KLHL4: variants seen among roughly 807,000 people sequenced by gnomAD.
KLHL4 encodes the protein kelch-like protein 4.
KLHL4 carries 17 observed loss-of-function variants against 45.8 expected under a neutral mutation model. That is an observed-to-expected ratio of 0.37 (90% confidence interval 0.25 to 0.56). The LOEUF (loss-of-function observed/expected upper bound fraction) is 0.56, where lower values mean the gene tolerates loss of function less well. Among genes scored for constraint, KLHL4 ranks in the 20% least tolerant of loss-of-function variants. The pLI is 0.79. For missense variants in KLHL4, 544 were observed against 544.9 expected, an observed-to-expected ratio of 1.00 and a Z score of 0.02; for synonymous variants, 224 against 189.9, an observed-to-expected ratio of 1.18 and a Z score of -1.47.
At position 87,666,636 on chromosome X, in the gene KLHL4, A is replaced by G. The variant is rs2147845942; in HGVS notation, c.*102A>G. On this transcript the variant is annotated 3_prime_UTR_variant, in exon 11 of 11. Transcript: ENST00000373119. ...CATGTTCTTTTTCCTGCAATTAATA[A>G]TCAGACTGGAAAATTGTTGTATCAT... The G allele has an allele frequency of 1.0e-6, 1 of 1,002,810 alleles. No individual in the cohort carries two copies. Among genetic ancestry groups the G allele is most frequent in the Non-Finnish European group, 1.3e-6 (1 of 784,839 alleles). 82.6% of individuals were successfully genotyped at this position (1,002,810 alleles called of 1,213,427 possible). A position where few individuals can be genotyped will look rare whatever the true frequency, so the allele number is the denominator to read the frequency against.
At chrX:87,588,484 C>G (rs900798878) in intron 1 of KLHL4, among the ~76,000 whole-genome samples, 2 of 110,851 alleles carry the variant, frequency 1.8e-5, no homozygotes, top group African/African-American at 3.3e-5. Context: ...AATGAGGTAA[C>G]AAGTCCACAC....
At chrX:87,588,462 A>C (rs1459853756) in intron 1 of KLHL4, among the ~76,000 whole-genome samples, 1 of 111,355 alleles carries the variant, frequency 9.0e-6, no homozygotes, top group South Asian at 3.8e-4. Context: ...AGACCAATGA[A>C]ATGGAATAGA....
At position 87,542,095 on chromosome X, in the gene KLHL4, A is replaced by C. The variant is rs779515378; in HGVS notation, c.422+23780A>C. On this transcript the variant is annotated intron_variant, in intron 1 of 10. Coordinates refer to ENST00000373119, the MANE Select transcript of KLHL4 (RefSeq NM_019117.5). Reference sequence around the variant, plus strand: ...GGGTATCTGGCAGAAGAATTTTCTAAGTAGCAAAGCATTCAAGAGGTGATC... The same window carrying C: ...GGGTATCTGGCAGAAGAATTTTCTACGTAGCAAAGCATTCAAGAGGTGATC... Among the ~76,000 whole-genome samples the C allele has an allele frequency of 2.7e-5, 3 of 112,142 alleles. No individual in the cohort carries two copies. The Admixed American group carries it at 2.8e-4, about 11-fold the overall frequency.
At chrX:87,604,424 C>CT (rs35980706) in intron 1 of KLHL4, among the ~76,000 whole-genome samples, 1 of 111,056 alleles carries the variant, frequency 9.0e-6, no homozygotes, top group East Asian at 2.8e-4. Flanking sequence ...CAAGACTTTT[C>CT]TTTTTTTCTT....
intron 9 of KLHL4, among the ~76,000 whole-genome samples, chrX:87,657,372 G>A (rs1443297538): frequency 8.9e-6 from 1 of 112,155 alleles, no homozygotes; most frequent in Non-Finnish European, 1.9e-5. Context: ...CCCAGTGGTG[G>A]ACACAAGCAC....
intron 9 of KLHL4, among the ~76,000 whole-genome samples, chrX:87,655,622 C>CA (rs1923964212): frequency 9.1e-6 from 1 of 110,479 alleles, no homozygotes; most frequent in Non-Finnish European, 1.9e-5. Context: ...ATGGTCGGAT[C>CA]CTTTTTTTTA....
chrX:87,620,292 G>A (rs1922708474), intron 4 of KLHL4, among the ~76,000 whole-genome samples: 1 of 111,577 alleles, frequency 9.0e-6, no homozygotes, highest in South Asian at 3.7e-4. Context: ...GAAATTAGGA[G>A]CAAAATAATT....
chrX:87,571,228 A>T (rs1300225251), intron 1 of KLHL4, among the ~76,000 whole-genome samples: 1 of 110,908 alleles, frequency 9.0e-6, no homozygotes, highest in East Asian at 2.8e-4. Flanking sequence ...TTATAGTTTT[A>T]GAACATTGAA....
At chrX:87,628,127 T>C (rs1245628795) in intron 6 of KLHL4, among the ~76,000 whole-genome samples, 1 of 111,983 alleles carries the variant, frequency 8.9e-6, no homozygotes, top group Non-Finnish European at 1.9e-5. Context: ...CCTTACATTT[T>C]TGATTACTTA....
At chrX:87,620,438 A>C (rs1480168535) in intron 4 of KLHL4, among the ~76,000 whole-genome samples, 1 of 111,837 alleles carries the variant, frequency 8.9e-6, no homozygotes, top group African/African-American at 3.2e-5. Flanking sequence ...TATATTGCCC[A>C]GCAATTTTCA....
At chrX:87,584,154 C>A in intron 1 of KLHL4, among the ~76,000 whole-genome samples, 1 of 112,143 alleles carries the variant, frequency 8.9e-6, no homozygotes, top group Middle Eastern at 4.7e-3. Flanking sequence ...TTCTACTGGG[C>A]TTGAGGTGCC....
chrX:87,556,333 T>C (rs1401561121), intron 1 of KLHL4, among the ~76,000 whole-genome samples: 1 of 110,155 alleles, frequency 9.1e-6, no homozygotes, highest in Non-Finnish European at 1.9e-5. Flanking sequence ...CATGGAATAC[T>C]ACGCAGCCAT....
chrX:87,610,105 C>T (rs962190775), intron 1 of KLHL4, among the ~76,000 whole-genome samples: 4 of 111,741 alleles, frequency 3.6e-5, no homozygotes, highest in African/African-American at 9.8e-5. Flanking sequence ...CCTTCCATTA[C>T]CACTCTACAT....
chrX:87,634,404 A>G (rs778941017), intron 8 of KLHL4, among the ~76,000 whole-genome samples: 21 of 111,511 alleles, frequency 1.9e-4, no homozygotes, highest in Admixed American at 6.7e-4. Context: ...TCTTCCTGTC[A>G]CTTGCCTATC....
intron 6 of KLHL4, among the ~76,000 whole-genome samples, chrX:87,627,452 A>G (rs1224420497): frequency 8.9e-6 from 1 of 112,075 alleles, no homozygotes; most frequent in African/African-American, 3.2e-5. Flanking sequence ...CTACATAGTA[A>G]CAATGCTTAT....
At chrX:87,595,191 C>T (rs750283935) in intron 1 of KLHL4, among the ~76,000 whole-genome samples, 176 of 111,011 alleles carry the variant, frequency 1.6e-3, no homozygotes, top group African/African-American at 5.3e-3. Context: ...CCACAACAGG[C>T]CCTGGTGTGT....
intron 4 of KLHL4, among the ~76,000 whole-genome samples, chrX:87,619,784 G>C (rs183229070): frequency 9.0e-6 from 1 of 111,540 alleles, no homozygotes; most frequent in South Asian, 3.7e-4. Flanking sequence ...TAATATTGTT[G>C]TCTCTCTTAA....
rs771150376 is a variant in KLHL4 at position 87,614,449 on chromosome X, A to G, written c.606A>G (p.Ala202=). 2.5e-6 allele frequency: 3 copies of G among 1,208,648 alleles called. No individual in the cohort carries two copies. Among genetic ancestry groups the G allele is most frequent in the Admixed American group, 4.4e-5 (2 of 45,845 alleles). ...CTATTTCCAGGTTGGTTCTCAGCGC[A>G]GTGTCTGATTATTTTGCTGCAATGT... ...RIPAHRLVLS[A]VSDYFAAMFT... is the part of the protein sequence containing the mutation. Residue 202 remains alanine, a synonymous_variant, in exon 3 of 11, where the codon GCA becomes GCG. Transcript: ENST00000373119.
chrX:87,590,076 A>G (rs1257183323), intron 1 of KLHL4, among the ~76,000 whole-genome samples: 3 of 110,116 alleles, frequency 2.7e-5, no homozygotes, highest in Admixed American at 9.7e-5. Flanking sequence ...TTGATGGCAC[A>G]ACAGGGTGAC....
Sources: allele counts gnomAD v4.1 joint callset (sites outside exome capture counted in the v4.1 genomes callset), GRCh38; gene constraint gnomAD v4.1.1; transcripts MANE v1.5; gene names NCBI Gene and HGNC (gene_info 2026-07-23, HGNC 2026-07-21).